The following ROBO2 variants were observed in gnomAD, a reference collection of about 807,000 sequenced individuals.
ROBO2 encodes the protein roundabout guidance receptor 2, also known as roundabout homolog 2.
Under a neutral mutation model 160.8 loss-of-function variants are expected in ROBO2, and 53 were observed. The observed-to-expected ratio is 0.33, with a 90% CI of 0.26 to 0.41. The LOEUF (loss-of-function observed/expected upper bound fraction) is 0.41. Ranked by LOEUF, ROBO2 falls within the 10% of genes least tolerant of loss-of-function variation. ROBO2 has a pLI of 1.00. For synonymous variants in ROBO2, 664 were observed against 611.7 expected (o/e 1.09, Z -1.26); for missense variants, 1,577 against 1,722.4 (o/e 0.92, Z 1.49).
At chr3:76,447,058 A>G (rs1018657445) in intron 2 of ROBO2, among the ~76,000 whole-genome samples, 27 of 152,166 alleles carry the variant, frequency 1.8e-4, no homozygotes, top group Admixed American at 1.4e-3. Context: ...AATTAAACTA[A>G]AGAGCTTCTG....
At chr3:76,354,658 C>T (rs183027108) in intron 2 of ROBO2, among the ~76,000 whole-genome samples, 3 of 151,826 alleles carry the variant, frequency 2.0e-5, no homozygotes, top group Admixed American at 1.3e-4. Context: ...GATGAATTTT[C>T]GGTGTCACAA....
At chr3:76,889,646 A>G (rs2074186775) in intron 2 of ROBO2, among the ~76,000 whole-genome samples, 2 of 152,138 alleles carry the variant, frequency 1.3e-5, no homozygotes, top group South Asian at 2.1e-4. Context: ...GGTTCTGGGG[A>G]AAAAAAGAAG....
chr3:76,185,304 A>C (rs573551463), intron 2 of ROBO2, among the ~76,000 whole-genome samples: 96 of 149,578 alleles, frequency 6.4e-4, no homozygotes, highest in African/African-American at 2.2e-3. Context: ...CTGTTTTTAT[A>C]AAGAAACCAA....
intron 7 of ROBO2, among the ~76,000 whole-genome samples, chr3:77,548,015 A>T (rs1277701594): frequency 1.3e-5 from 2 of 151,562 alleles, no homozygotes; most frequent in African/African-American, 4.8e-5. Context: ...ATACACACAC[A>T]TACCACACAC....
intron 2 of ROBO2, among the ~76,000 whole-genome samples, chr3:76,921,030 G>A (rs1320746578): frequency 2.0e-5 from 3 of 152,176 alleles, no homozygotes; most frequent in Non-Finnish European, 1.5e-5. Context: ...CCAGAGAATG[G>A]AGGGTGGGGG....
intron 2 of ROBO2, among the ~76,000 whole-genome samples, chr3:77,150,700 C>T (rs990438586): frequency 2.9e-4 from 44 of 151,456 alleles, no homozygotes; most frequent in African/African-American, 9.7e-4. Context: ...TCAAATTTGC[C>T]TACATGAATA....
In ROBO2 at chr3:76,568,804, C is replaced by G. The variant is rs1034459921; in HGVS notation, c.110-529210C>G. 2.3e-4 allele frequency among the ~76,000 whole-genome samples: 35 copies of G among 152,048 alleles called. 1 individual carries two copies. Among genetic ancestry groups the G allele is most frequent in the African/African-American group, 8.0e-4 (33 of 41,388 alleles). On this transcript the variant is annotated intron_variant, in intron 2 of 26. Coordinates refer to the ROBO2 transcript ENST00000487694. Reference sequence around the variant, plus strand: ...AATCATTTTCTCTTTGATTTGTCACCTCTTATCTAATAGATTTTACTGTAT... The same window carrying G: ...AATCATTTTCTCTTTGATTTGTCACGTCTTATCTAATAGATTTTACTGTAT...
At chr3:76,357,554 G>T (rs1576636378) in intron 2 of ROBO2, among the ~76,000 whole-genome samples, 1 of 151,998 alleles carries the variant, frequency 6.6e-6, no homozygotes, top group East Asian at 1.9e-4. Flanking sequence ...TGGCTAGAAG[G>T]TTACAAAATA....
At chr3:75,968,583 T>G (rs1416339143) in intron 2 of ROBO2, among the ~76,000 whole-genome samples, 1 of 151,518 alleles carries the variant, frequency 6.6e-6, no homozygotes, top group African/African-American at 2.4e-5. Context: ...TATTTTTATG[T>G]GATTGGCAAG....
intron 2 of ROBO2, among the ~76,000 whole-genome samples, chr3:77,125,973 A>G (rs1035046480): frequency 1.1e-4 from 17 of 152,170 alleles, no homozygotes; most frequent in Non-Finnish European, 2.5e-4. Flanking sequence ...CAAATTCAAA[A>G]CTGGTTATTA....
rs954473815 is a variant in ROBO2, at chr3:76,273,180, T to C, written c.109+335578T>C. Reference sequence around the variant, plus strand: ...CTATTTGGAAACTCATCTTTTTTATTTACATGGATAAGTGTTAGAGTTCTC... The same window carrying C: ...CTATTTGGAAACTCATCTTTTTTATCTACATGGATAAGTGTTAGAGTTCTC... On this transcript the variant is annotated intron_variant, in intron 2 of 26. Coordinates refer to the ROBO2 transcript ENST00000487694. Among the ~76,000 whole-genome samples the C allele has an allele frequency of 5.7e-5, 8 of 139,374 alleles. No individual in the cohort carries two copies. The South Asian group carries it at 1.7e-3, about 30-fold the overall frequency. 91.4% of individuals were successfully genotyped at this position (139,374 alleles called of 152,430 possible).
intron 2 of ROBO2, among the ~76,000 whole-genome samples, chr3:76,219,997 A>T (rs1017676260): frequency 1.3e-5 from 2 of 152,076 alleles, no homozygotes; most frequent in African/African-American, 4.8e-5. Flanking sequence ...CTATGCAGCC[A>T]TAAAAAATGG....
intron 2 of ROBO2, among the ~76,000 whole-genome samples, chr3:77,156,904 C>T (rs989934365): frequency 4.0e-5 from 6 of 151,898 alleles, no homozygotes; most frequent in East Asian, 3.9e-4. Context: ...TTATCTATAT[C>T]GGTTGTTCCC....
chr3:76,822,898 G>A (rs2066246148), intron 2 of ROBO2, among the ~76,000 whole-genome samples: 1 of 151,318 alleles, frequency 6.6e-6, no homozygotes. Context: ...AAAGTGCAAC[G>A]GTATCATTTC....
intron 2 of ROBO2, among the ~76,000 whole-genome samples, chr3:77,286,502 C>T (rs1432605509): frequency 5.9e-5 from 9 of 152,044 alleles, no homozygotes; most frequent in Non-Finnish European, 5.9e-5. Context: ...GTGATCCGAC[C>T]GCCTTGGCCT....
At chr3:76,264,545 G>A (rs1283139293) in intron 2 of ROBO2, among the ~76,000 whole-genome samples, 1 of 152,082 alleles carries the variant, frequency 6.6e-6, no homozygotes, top group Non-Finnish European at 1.5e-5. Context: ...AATGGATGCA[G>A]TTAGACTTTT....
Position 76,711,557 on chromosome 3 carries a change from A to G in ROBO2, c.110-386457A>G, listed in dbSNP as rs114527994. On this transcript the variant is annotated intron_variant, in intron 2 of 26. Coordinates refer to the ROBO2 transcript ENST00000487694. ...TAGCTGGAAATAGAAATTTTAAGAT[A>G]ACGAAATCCATCCACACATCTACAT... Among the ~76,000 whole-genome samples the G allele has an allele frequency of 9.8e-3, 1,498 of 152,282 alleles. 29 individuals are homozygous for G. The highest frequency in any genetic ancestry group is 0.032 in the African/African-American group (1,315 of 41,552).
intron 2 of ROBO2, among the ~76,000 whole-genome samples, chr3:76,092,007 G>A (rs1476392468): frequency 1.3e-5 from 2 of 152,022 alleles, no homozygotes; most frequent in African/African-American, 4.8e-5. Flanking sequence ...GTGAATATAC[G>A]ACATTATACA....
intron 6 of ROBO2, among the ~76,000 whole-genome samples, chr3:77,525,604 G>T (rs1379463257): frequency 6.6e-6 from 1 of 150,786 alleles, no homozygotes; most frequent in Admixed American, 6.6e-5. Context: ...AACACAAACT[G>T]CGTATTTGTA....
Sources: allele counts gnomAD v4.1 joint callset (sites outside exome capture counted in the v4.1 genomes callset), GRCh38; gene constraint gnomAD v4.1.1; transcripts MANE v1.5; gene names NCBI Gene and HGNC (gene_info 2026-07-23, HGNC 2026-07-21).